Variants in DNAH2 observed in about 807,000 individuals in gnomAD.
DNAH2 encodes the protein dynein axonemal heavy chain 2, also known as axonemal beta dynein heavy chain 2.
A neutral mutation model predicts 523.5 loss-of-function variants in DNAH2; 323 were observed. The observed-to-expected ratio is 0.62, with a 90% confidence interval of 0.56 to 0.68. The LOEUF is 0.68. Ranked by LOEUF, DNAH2 falls within the 30% of genes least tolerant of loss-of-function variation. The probability of loss-of-function intolerance (pLI) is 0.00; values close to 1 mark genes in which losing one functional copy is unlikely to be tolerated. For synonymous variants in DNAH2, 2,093 were observed against 2,177.4 expected (o/e 0.96, Z 1.08); for missense variants, 4,907 against 5,701.5 (o/e 0.86, Z 4.49).
chr17:7,804,954 C>T lies in DNAH2; in HGVS notation c.9184-4C>T, dbSNP rs766032780. ...AAAAACCCTTGTCCTTTTTTCATCC[C>T]TAGGCCGTAACAGCCAACAGTGAAA... is the stretch of plus-strand genomic sequence containing the variant. On this transcript the variant is annotated splice_polypyrimidine_tract_variant and splice_region_variant and intron_variant, in intron 59 of 85. Coordinates refer to ENST00000572933, the MANE Select transcript of DNAH2 (RefSeq NM_020877.5). 1 of 1,613,010 alleles carries T rather than the reference C, an allele frequency of 6.2e-7. No homozygotes were observed. The highest frequency in any genetic ancestry group is 1.1e-5 in the South Asian group (1 of 90,966).
At chr17:7,815,555 G>A (rs983240180) in intron 63 of DNAH2, among the ~76,000 whole-genome samples, 3 of 150,110 alleles carry the variant, frequency 2.0e-5, no homozygotes, top group African/African-American at 7.4e-5. Context: ...CACATATACA[G>A]GATCATACAC....
rs2074838746 is a variant in DNAH2, at chr17:7,727,103, C to T, written c.229-19C>T. ...CCTGGCAGTTGTAGTTACTTTGGCC[C>T]TCTGCTCTCCTTCTGTAGAAGCCCC... On this transcript the variant is annotated intron_variant, in intron 3 of 85. Coordinates refer to ENST00000572933, the MANE Select transcript of DNAH2 (RefSeq NM_020877.5). 1.3e-6 allele frequency: 2 copies of T among 1,526,106 alleles called. No homozygotes were observed. Among genetic ancestry groups the T allele is most frequent in the South Asian group, 1.3e-5 (1 of 75,144 alleles). The allele number at this position is 1,526,106 out of a possible 1,614,324, so 94.5% of individuals were successfully genotyped here. A position where few individuals can be genotyped will look rare whatever the true frequency, so the allele number is the denominator to read the frequency against.
intron 64 of DNAH2, 126 bp from the exon 65 acceptor site, chr17:7,817,164 G>A (rs1173114584): frequency 1.5e-6 from 2 of 1,338,650 alleles, no homozygotes; most frequent in Non-Finnish European, 2.0e-6. Context: ...GGACACACAG[G>A]TTTAGGGGAG....
rs368465229 is a variant in DNAH2, at chr17:7,786,315, C to T, written c.6321C>T (p.Ala2107=). 7.2e-5 allele frequency: 116 copies of T among 1,613,330 alleles called. No homozygotes were observed. The highest frequency in any genetic ancestry group is 2.4e-4 in the African/African-American group (18 of 75,014). Residue 2107 remains alanine, a synonymous_variant, in exon 40 of 86, where the codon GCC becomes GCT. Transcript: ENST00000572933. The surrounding 1 kb of genome is among the most constrained non-coding windows in gnomAD (Gnocchi z 7.5). ...CCTCCCTGTCCTCTCTGTGCCGCGC[C>T]GGAGACCCTAACTTCAACATTGTTA... ...LQASLSSLCR[A]GDPNFNIVRE...
chr17:7,728,683 A>G (rs1266866452), intron 4 of DNAH2, among the ~76,000 whole-genome samples: 1 of 152,214 alleles, frequency 6.6e-6, no homozygotes, highest in Admixed American at 6.5e-5. Context: ...TTAATATCAT[A>G]AAGATCATTT....
Position 7,821,192 on chromosome 17 carries a change from T to C in DNAH2, c.11016-51T>C, listed in dbSNP as rs761351713. 6.3e-7 allele frequency: 1 copy of C among 1,590,136 alleles called. No individual in the cohort carries two copies. Among genetic ancestry groups the C allele is most frequent in the South Asian group, 1.1e-5 (1 of 87,598 alleles). ...AGCATCATAGCATTCGCATGGAGCA[T>C]CAGCCCCCATTCCATGCTGCCCCTC... On this transcript the variant is annotated intron_variant, in intron 72 of 85. Transcript: ENST00000572933. The surrounding 1 kb of genome is among the most constrained non-coding windows in gnomAD (Gnocchi z 5.0).
intron 72 of DNAH2, among the ~76,000 whole-genome samples, chr17:7,820,921 C>G (rs1051299131): frequency 6.6e-6 from 1 of 152,092 alleles, no homozygotes; most frequent in Non-Finnish European, 1.5e-5. Flanking sequence ...CTCCTGTAAT[C>G]CCAGCTGCTT....
intron 79 of DNAH2, 78 bp downstream of exon 79, chr17:7,830,920 G>A: frequency 1.9e-6 from 3 of 1,582,478 alleles, no homozygotes; most frequent in Non-Finnish European, 2.6e-6. Context: ...TGGGGGTAAT[G>A]TTTGAGGAGA....
intron 50 of DNAH2, among the ~76,000 whole-genome samples, chr17:7,796,935 C>CAAAA (rs370280901): frequency 5.0e-4 from 58 of 116,166 alleles, no homozygotes; most frequent in African/African-American, 1.3e-3. Flanking sequence ...ATTAAAAATA[C>CAAAA]AAAAAAAAAA....
rs568052904 is a variant in DNAH2, at chr17:7,728,645, A to C, written c.399+1353A>C. On this transcript the variant is annotated intron_variant, in intron 4 of 85. Coordinates refer to ENST00000572933, the MANE Select transcript of DNAH2 (RefSeq NM_020877.5). ...TGAAAAACGATTTGAAGAAATGAGG[A>C]GCCACAGCTTGTTTCGGAGTAGGAA... 2.0e-5 allele frequency among the ~76,000 whole-genome samples: 3 copies of C among 152,348 alleles called. 1 individual carries two copies. Among genetic ancestry groups the C allele is most frequent in the African/African-American group, 7.2e-5 (3 of 41,572 alleles).
intron 3 of DNAH2, 71 bp downstream of exon 3, chr17:7,723,760 T>C: frequency 7.4e-7 from 1 of 1,343,200 alleles, no homozygotes; most frequent in Middle Eastern, 2.0e-4. Flanking sequence ...CAGTTGTGGA[T>C]GGCACATGAG....
Position 7,823,610 on chromosome 17 carries a change from G to A in DNAH2, c.11311G>A (p.Glu3771Lys). 1 of 1,614,054 alleles carries A rather than the reference G, an allele frequency of 6.2e-7. No homozygotes were observed. Among genetic ancestry groups the A allele is most frequent in the Non-Finnish European group, 8.5e-7 (1 of 1,179,982 alleles). The change falls in exon 74 of 86, where the codon GAG becomes AAG. Residue 3771 changes from glutamate to lysine, a missense_variant. Around this residue, in one of 3 missense-constraint regions of DNAH2, gnomAD observed 1,851 missense variants for 2,139.4 expected, o/e 0.87. Coordinates refer to ENST00000572933, the MANE Select transcript of DNAH2 (RefSeq NM_020877.5). ...CCTGTGGTATACCAATGCTGCCCCG[G>A]AGAAGGCGATGCTGCCAGGTACCAG... The part of the protein sequence containing the change: ...WHLWYTNAAP[E>K]KAMLPGEWEN...
chr17:7,779,182 C>T, intron 35 of DNAH2, 61 bp from the exon 36 acceptor site: 1 of 1,585,256 alleles, frequency 6.3e-7, no homozygotes. Context: ...GTGCGTTAAT[C>T]ACGCTTTCTA....
Position 7,815,723 on chromosome 17 carries a change from C to T in DNAH2, c.9730-848C>T, listed in dbSNP as rs1237969667. Reference sequence around the variant, plus strand: ...ACACATGTATACGGGATCACACACACGTATACGGGATCACACACACATATA... The same window carrying T: ...ACACATGTATACGGGATCACACACATGTATACGGGATCACACACACATATA... On this transcript the variant is annotated intron_variant, in intron 63 of 85. Coordinates refer to ENST00000572933, the MANE Select transcript of DNAH2 (RefSeq NM_020877.5). 4.0e-5 allele frequency among the ~76,000 whole-genome samples: 6 copies of T among 150,952 alleles called. No individual in the cohort carries two copies. In the East Asian group the frequency reaches 5.9e-4, roughly 15 times the overall value.
chr17:7,818,665 G>A lies in DNAH2; in HGVS notation c.10559G>A (p.Gly3520Asp), dbSNP rs543310665. The change falls in exon 70 of 86, where the codon GGC (glycine) becomes GAC (aspartate). Residue 3520 changes from glycine to aspartate, a missense_variant. By Grantham distance (94) the Gly-to-Asp change is moderately conservative. Coordinates refer to ENST00000572933, the MANE Select transcript of DNAH2 (RefSeq NM_020877.5). ...CAGGGCCTGGAGGCCCAGCTGCTGG[G>A]CATTGTGGTGCGGAAGGAGCGGCCT... Reference protein sequence around the residue: ...KEQGLEAQLLGIVVRKERPEL... With the variant: ...KEQGLEAQLLDIVVRKERPEL... 7 of 1,614,050 alleles carry A rather than the reference G, an allele frequency of 4.3e-6. No individual in the cohort carries two copies. The highest frequency in any genetic ancestry group is 2.7e-5 in the African/African-American group (2 of 75,038).
rs142697997 is a variant in DNAH2, at chr17:7,817,689, C to A, written c.10149C>A (p.Ile3383=). 3 of 1,614,062 alleles carry A rather than the reference C, an allele frequency of 1.9e-6. No homozygotes were observed. The Admixed American group carries it at 5.0e-5, about 27-fold the overall frequency. ...PSDAFSTENG[I]IVTRGNRWAL... Reference sequence around the variant, plus strand: ...ACGCCTTCTCCACTGAGAATGGCATCATCGTCACCCGAGGCAACAGGTGAG... The same window carrying A: ...ACGCCTTCTCCACTGAGAATGGCATAATCGTCACCCGAGGCAACAGGTGAG... The change falls in exon 66 of 86, where the codon ATC becomes ATA. Residue 3383 remains isoleucine (I), a synonymous_variant. Transcript: ENST00000572933.
chr17:7,740,037 A>G (rs1597490815), intron 9 of DNAH2, 99 bp downstream of exon 9: 1 of 1,033,200 alleles, frequency 9.7e-7, no homozygotes. Context: ...GAAATGGTGG[A>G]AGGACAGATC....
intron 20 of DNAH2, among the ~76,000 whole-genome samples, chr17:7,764,523 C>T (rs564456863): frequency 1.6e-4 from 24 of 151,130 alleles, no homozygotes; most frequent in East Asian, 1.2e-3. Context: ...TGCAGTGGCA[C>T]GATCTTGGCC....
At chr17:7,808,067 C>G (rs1403820154) in intron 63 of DNAH2, among the ~76,000 whole-genome samples, 1 of 152,126 alleles carries the variant, frequency 6.6e-6, no homozygotes, top group East Asian at 1.9e-4. Context: ...CCCAGGCGAT[C>G]TCCTGCAAGA....
Sources: allele counts gnomAD v4.1 joint callset (sites outside exome capture counted in the v4.1 genomes callset), GRCh38; gene constraint gnomAD v4.1.1; regional missense constraint gnomAD v4.1.1; non-coding constraint Gnocchi (gnomAD v3.1); transcripts MANE v1.5; gene names NCBI Gene and HGNC (gene_info 2026-07-23, HGNC 2026-07-21).